Variants in STK3 observed in about 807,000 individuals in gnomAD.
The protein encoded by STK3 is serine/threonine kinase 3, also known as serine/threonine-protein kinase 3.
Under a neutral mutation model 58.0 loss-of-function variants are expected in STK3, and 41 were observed. That is an observed-to-expected ratio of 0.71 (90% CI 0.55 to 0.92). The LOEUF (loss-of-function observed/expected upper bound fraction) is 0.92. STK3 is among the 40% of genes least tolerant of loss of function. The pLI, the probability that STK3 is intolerant of heterozygous loss-of-function variation, is 0.00. For synonymous variants in STK3, 170 were observed against 191.0 expected (o/e 0.89, Z 0.91); for missense variants, 479 against 602.7 (o/e 0.79, Z 2.15).
At chr8:98,525,392 A>G (rs1385152927) in intron 10 of STK3, among the ~76,000 whole-genome samples, 1 of 151,944 alleles carries the variant, frequency 6.6e-6, no homozygotes. Context: ...ATCCATGTAA[A>G]TTTAAAAAAC....
At position 98,706,674 on chromosome 8, in the gene STK3, G is replaced by A. The variant is rs368746878; in HGVS notation, c.517-40C>T. 6.8e-6 allele frequency: 10 copies of A among 1,479,544 alleles called. No individual in the cohort carries two copies. The African/African-American group carries it at 1.1e-4, about 17-fold the overall frequency. 91.7% of individuals were successfully genotyped at this position (1,479,544 alleles called of 1,614,324 possible). A position where few individuals can be genotyped will look rare whatever the true frequency, so the allele number is the denominator to read the frequency against. On this transcript the variant is annotated intron_variant, in intron 5 of 10. Transcript: ENST00000419617. ...CATAGCCATAAATGCTACTACAAAA[G>A]CACAAAGGAAATCTGTATGCCAAAC...
the STK3 span, among the ~76,000 whole-genome samples, chr8:98,361,931 A>C: frequency 6.6e-6 from 1 of 152,136 alleles, no homozygotes; most frequent in Non-Finnish European, 1.5e-5. Context: ...GCCAGTCCCA[A>C]GGGTTTGGTG....
At chr8:98,538,974 C>T (rs1209128313) in intron 9 of STK3, among the ~76,000 whole-genome samples, 1 of 152,168 alleles carries the variant, frequency 6.6e-6, no homozygotes, top group East Asian at 1.9e-4. Flanking sequence ...TATTTGCACC[C>T]AGCTGCAAGA....
intron 3 of STK3, among the ~76,000 whole-genome samples, chr8:98,762,963 T>C (rs950487226): frequency 2.6e-5 from 4 of 152,216 alleles, no homozygotes; most frequent in African/African-American, 9.7e-5. Flanking sequence ...TTTGGGCAAT[T>C]CATGTAAAAG....
chr8:98,838,933 A>G (rs1002870478), intron 3 of STK3, among the ~76,000 whole-genome samples: 2 of 148,004 alleles, frequency 1.4e-5, no homozygotes, highest in African/African-American at 5.0e-5. Flanking sequence ...CCTTTCCCCC[A>G]ACACACAAAA....
intron 7 of STK3, among the ~76,000 whole-genome samples, chr8:98,590,246 A>T (rs553401422): frequency 6.6e-6 from 1 of 152,224 alleles, no homozygotes; most frequent in East Asian, 1.9e-4. Flanking sequence ...TTGTCTTTGG[A>T]TCTGCTCTGT....
chr8:98,399,874 G>A (rs1437613204), downstream of STK3, among the ~76,000 whole-genome samples: 1 of 152,162 alleles, frequency 6.6e-6, no homozygotes, highest in African/African-American at 2.4e-5. Context: ...ACGTGCTTCG[G>A]GAGGGTCACC....
intron 3 of STK3, among the ~76,000 whole-genome samples, chr8:98,403,674 G>C (rs959437613): frequency 3.9e-5 from 6 of 152,200 alleles, no homozygotes; most frequent in African/African-American, 1.2e-4. Context: ...CCTATGCACA[G>C]GTAGAGCAGG....
intron 8 of STK3, among the ~76,000 whole-genome samples, chr8:98,562,650 A>AACCT (rs1231927887): frequency 6.6e-6 from 1 of 150,472 alleles, no homozygotes; most frequent in Admixed American, 6.7e-5. Context: ...ATAAAGAGTG[A>AACCT]ACCTACTGAG....
chr8:98,615,114 G>C (rs1027544473), intron 6 of STK3, among the ~76,000 whole-genome samples: 1 of 151,876 alleles, frequency 6.6e-6, no homozygotes, highest in Non-Finnish European at 1.5e-5. Context: ...CTGGAGATCT[G>C]AGAACGGGCA....
At chr8:98,373,381 G>T (rs1428818312) in intron 2 of STK3, among the ~76,000 whole-genome samples, 1 of 152,092 alleles carries the variant, frequency 6.6e-6, no homozygotes, top group Non-Finnish European at 1.5e-5. Flanking sequence ...ACATGACTTG[G>T]TTTGGCCAAT....
rs1413867604 is a variant in STK3, at chr8:98,883,771, A to T, written c.-15T>A. The T allele has an allele frequency of 5.7e-6, 4 of 702,090 alleles. No individual in the cohort carries two copies. The South Asian group carries it at 5.9e-5, about 10-fold the overall frequency. 43.5% of individuals were successfully genotyped at this position (702,090 alleles called of 1,614,324 possible). A position where few individuals can be genotyped will look rare whatever the true frequency, so the allele number is the denominator to read the frequency against. On this transcript the variant is annotated 5_prime_UTR_variant, in exon 2 of 2. Coordinates refer to the STK3 transcript ENST00000519420. ...AGTTGTAACATTTCCTCCACTGAAG[A>T]GTCTAGCTCAGAGAGATCTCTCCAT... is the stretch of plus-strand genomic sequence containing the variant.
At position 98,516,218 on chromosome 8, in the gene STK3, C is replaced by T. The variant is rs140801770; in HGVS notation, c.1317+10524G>A. Reference sequence around the variant, plus strand: ...TAGAAGCCTAATAGTTTAAATATGGCGTCAAGAGGAAAAAAAAGTATAAAT... The same window carrying T: ...TAGAAGCCTAATAGTTTAAATATGGTGTCAAGAGGAAAAAAAAGTATAAAT... On this transcript the variant is annotated intron_variant, in intron 10 of 10. Coordinates refer to ENST00000419617, the MANE Select transcript of STK3 (RefSeq NM_006281.4). 4.2e-3 allele frequency among the ~76,000 whole-genome samples: 633 copies of T among 151,712 alleles called. 4 individuals are homozygous for T. The highest frequency in any genetic ancestry group is 0.01 in the Middle Eastern group (3 of 294).
At chr8:98,370,192 C>T (rs1187606947), downstream of STK3, among the ~76,000 whole-genome samples, 1 of 151,306 alleles carries the variant, frequency 6.6e-6, no homozygotes, top group Non-Finnish European at 1.5e-5. Context: ...CCCGGGAACC[C>T]TGGGCCTCCC....
At chr8:98,349,677 G>A in the STK3 span, among the ~76,000 whole-genome samples, 1 of 152,194 alleles carries the variant, frequency 6.6e-6, no homozygotes, top group African/African-American at 2.4e-5. Flanking sequence ...TCTAGGCTGA[G>A]GTTCCCAAAC....
chr8:98,448,180 T>G (rs1819040600), intron 1 of STK3, among the ~76,000 whole-genome samples: 2 of 152,098 alleles, frequency 1.3e-5, no homozygotes, highest in South Asian at 4.1e-4. Context: ...ACTATCAGGC[T>G]GTAATATCAC....
chr8:98,360,256 C>T, the STK3 span, among the ~76,000 whole-genome samples: 1 of 152,172 alleles, frequency 6.6e-6, no homozygotes, highest in South Asian at 2.1e-4. Context: ...GGGAGGGACA[C>T]CTGGTATCTC....
intron 4 of STK3, chr8:98,721,062 A>G (rs1302078329): frequency 7.1e-6 from 7 of 981,288 alleles, no homozygotes; most frequent in African/African-American, 1.7e-5. Context: ...TTGTAGAAGT[A>G]AGCACACTCA....
intron 1 of STK3, among the ~76,000 whole-genome samples, chr8:98,384,424 T>C (rs12677401): frequency 0.061 from 9,217 of 152,302 alleles, 687 homozygotes; most frequent in East Asian, 0.16. Flanking sequence ...TTTCGTTGAT[T>C]TGTTTCTGCG....
Sources: allele counts gnomAD v4.1 joint callset (sites outside exome capture counted in the v4.1 genomes callset), GRCh38; gene constraint gnomAD v4.1.1; transcripts MANE v1.5; gene names NCBI Gene and HGNC (gene_info 2026-07-23, HGNC 2026-07-21).